Variants in GGNBP2 observed in about 807,000 individuals in gnomAD.
GGNBP2 encodes gametogenetin binding protein 2, also known as gametogenetin-binding protein 2.
Under a neutral mutation model 85.9 loss-of-function variants are expected in GGNBP2, and 10 were observed. That is an observed-to-expected ratio of 0.12 (90% CI 0.07 to 0.20). The LOEUF (loss-of-function observed/expected upper bound fraction) is 0.20. Ranked by LOEUF, GGNBP2 falls within the 10% of genes least tolerant of loss-of-function variation. The pLI is 1.00. For missense variants in GGNBP2, 595 were observed against 857.8 expected (o/e 0.69, Z 3.83); for synonymous variants, 287 against 285.7 (o/e 1.00, Z -0.05).
Position 36,589,677 on chromosome 17 carries a change from C to A in GGNBP2, c.*266C>A. ...TCTCTTCCTGTGAGACTTACTAAAG[C>A]AACTTAGTGGCAAAAAGTAATGTTG... On this transcript the variant is annotated 3_prime_UTR_variant, in exon 14 of 14. Transcript: ENST00000613102. 1 of 471,802 alleles carries A rather than the reference C, an allele frequency of 2.1e-6. No homozygotes were observed. Among genetic ancestry groups the A allele is most frequent in the African/African-American group, 1.9e-5 (1 of 51,428 alleles). 29.2% of individuals were successfully genotyped at this position (471,802 alleles called of 1,614,324 possible).
In GGNBP2 at chr17:36,575,648, A is replaced by ATTTTTTT. The variant is rs71274856; in HGVS notation, c.642-2326_642-2320dup. Among the ~76,000 whole-genome samples, 44 of 54,908 alleles carry ATTTTTTT rather than the reference A, an allele frequency of 8.0e-4. 1 individual carries two copies. The highest frequency in any genetic ancestry group is 3.9e-3 in the African/African-American group (36 of 9,188). The allele number at this position is 54,908 out of a possible 152,430, so 36.0% of individuals were successfully genotyped here. On this transcript the variant is annotated intron_variant, in intron 6 of 13. Transcript: ENST00000613102. ...TATATATATATATATATATATATAT[A>ATTTTTTT]TTTTTTTTTTTTTTTGAGATGGAGT...
chr17:36,560,775 C>T lies in GGNBP2; in HGVS notation c.431C>T (p.Ser144Phe). Residue 144 changes from serine to phenylalanine, a missense_variant and splice_region_variant, in exon 5 of 14, where the codon TCC (serine) becomes TTC (phenylalanine). This residue lies in a region of GGNBP2 where 216 missense variants were observed against 293.4 expected (regional missense o/e 0.74). Transcript: ENST00000613102. ...KLYTLFYVHGSKLNDMIDAIP... is the reference protein window; with the variant it reads ...KLYTLFYVHGFKLNDMIDAIP... Reference sequence around the variant, plus strand: ...TAATATGTTTTATTTTTAATTAGGTCCAAACTAAATGACATGATAGATGCT... The same window carrying T: ...TAATATGTTTTATTTTTAATTAGGTTCAAACTAAATGACATGATAGATGCT... 2 of 1,510,012 alleles carry T rather than the reference C, an allele frequency of 1.3e-6. No homozygotes were observed. Among genetic ancestry groups the T allele is most frequent in the East Asian group, 2.3e-5 (1 of 43,694 alleles). 93.5% of individuals were successfully genotyped at this position (1,510,012 alleles called of 1,614,324 possible).
At chr17:36,557,813 G>A (rs1343465101) in intron 4 of GGNBP2, among the ~76,000 whole-genome samples, 1 of 152,232 alleles carries the variant, frequency 6.6e-6, no homozygotes, top group East Asian at 1.9e-4. Flanking sequence ...AATAAAAGAT[G>A]GGGTCAGCAG....
chr17:36,552,457 T>C (rs1227643929), intron 2 of GGNBP2, among the ~76,000 whole-genome samples: 16 of 152,226 alleles, frequency 1.1e-4, no homozygotes, highest in Admixed American at 1.0e-3. Flanking sequence ...CACCAGATTA[T>C]TGATAGCTAC....
intron 2 of GGNBP2, among the ~76,000 whole-genome samples, chr17:36,548,733 C>G (rs886620189): frequency 2.7e-5 from 4 of 149,284 alleles, no homozygotes; most frequent in African/African-American, 9.8e-5. Flanking sequence ...TGCCTGAGCT[C>G]AGGAGTTTGA....
Position 36,545,634 on chromosome 17 carries a change from AGGCGGCAGCGGC to A in GGNBP2, c.-82_-71del. 1.0e-6 allele frequency: 1 copy of A among 972,564 alleles called. No individual in the cohort carries two copies. The highest frequency in any genetic ancestry group is 1.4e-5 in the South Asian group (1 of 70,438). 60.2% of individuals were successfully genotyped at this position (972,564 alleles called of 1,614,324 possible). A position where few individuals can be genotyped will look rare whatever the true frequency, so the allele number is the denominator to read the frequency against. On this transcript the variant is annotated 5_prime_UTR_variant, in exon 2 of 14. Transcript: ENST00000613102. ...GCTGTTGCAGGCAGGAGCTGGGAGG[AGGCGGCAGCGGC>A]GGCGGCAGAAACAGCAGCGGCGGCG...
intron 9 of GGNBP2, among the ~76,000 whole-genome samples, chr17:36,583,971 A>G (rs2074676020): frequency 6.6e-6 from 1 of 152,210 alleles, no homozygotes; most frequent in African/African-American, 2.4e-5. Flanking sequence ...TTGTAACATC[A>G]TGCATTGGAA....
chr17:36,560,287 T>G (rs940376794), intron 4 of GGNBP2, among the ~76,000 whole-genome samples: 3 of 152,226 alleles, frequency 2.0e-5, no homozygotes, highest in Non-Finnish European at 4.4e-5. Flanking sequence ...AAAGGTAGAA[T>G]TGGCAAACTT....
intron 6 of GGNBP2, among the ~76,000 whole-genome samples, chr17:36,576,469 G>A (rs1487528295): frequency 8.5e-6 from 1 of 118,088 alleles, no homozygotes; most frequent in Non-Finnish European, 1.7e-5. Context: ...CAGGAGAATC[G>A]CTTGAACCCA....
At chr17:36,568,630 T>C (rs900646337) in intron 6 of GGNBP2, among the ~76,000 whole-genome samples, 3 of 152,210 alleles carry the variant, frequency 2.0e-5, no homozygotes, top group Non-Finnish European at 4.4e-5. Flanking sequence ...AGTAGCTTTT[T>C]ACTTAATATT....
intron 3 of GGNBP2, 34 bp downstream of exon 3, chr17:36,554,934 G>T (rs2074347893): frequency 8.1e-7 from 1 of 1,239,348 alleles, no homozygotes; most frequent in East Asian, 2.3e-5. Context: ...TTTTAATGGT[G>T]TATGTGTATT....
chr17:36,570,440 C>T (rs1196319772), intron 6 of GGNBP2, among the ~76,000 whole-genome samples: 1 of 152,208 alleles, frequency 6.6e-6, no homozygotes, highest in Non-Finnish European at 1.5e-5. Flanking sequence ...TGGCTCATGC[C>T]TGTAATCCCA....
chr17:36,577,650 C>T (rs36088009), intron 6 of GGNBP2: 11,068 of 336,178 alleles, frequency 0.033, 299 homozygotes, highest in Non-Finnish European at 0.048. Flanking sequence ...TTCTGACCTG[C>T]GCAAATAGCT....
chr17:36,579,523 T>C (rs1266682528), intron 8 of GGNBP2, 104 bp downstream of exon 8: 2 of 953,932 alleles, frequency 2.1e-6, no homozygotes, highest in Non-Finnish European at 3.2e-6. Flanking sequence ...CCATCACTGA[T>C]AGAGCTTCAT....
chr17:36,565,451 C>CT (rs955771192), intron 5 of GGNBP2, among the ~76,000 whole-genome samples: 14 of 150,746 alleles, frequency 9.3e-5, no homozygotes, highest in South Asian at 2.1e-4. Context: ...TTTTATAGAG[C>CT]TTTTTTTTAA....
chr17:36,558,743 A>G (rs1599509898), intron 4 of GGNBP2, among the ~76,000 whole-genome samples: 2 of 146,728 alleles, frequency 1.4e-5, no homozygotes. Flanking sequence ...GGCGTGAGCC[A>G]CCGTGCCTGG....
intron 2 of GGNBP2, chr17:36,546,840 T>G (rs930471929): frequency 1.3e-5 from 2 of 152,222 alleles, no homozygotes; most frequent in Non-Finnish European, 2.9e-5. Context: ...CCTCAATATT[T>G]TTTTTTGCAA....
In GGNBP2 at chr17:36,575,648, A is replaced by ATATTTTT. The variant is rs374366757; in HGVS notation, c.642-2334_642-2333insATTTTTT. ...TATATATATATATATATATATATAT[A>ATATTTTT]TTTTTTTTTTTTTTTGAGATGGAGT... On this transcript the variant is annotated intron_variant, in intron 6 of 13. Coordinates refer to ENST00000613102, the MANE Select transcript of GGNBP2 (RefSeq NM_024835.5). 1.2e-3 allele frequency among the ~76,000 whole-genome samples: 65 copies of ATATTTTT among 54,910 alleles called. 1 individual carries two copies. Among genetic ancestry groups the ATATTTTT allele is most frequent in the African/African-American group, 3.8e-3 (35 of 9,192 alleles). The allele number at this position is 54,910 out of a possible 152,430, so 36.0% of individuals were successfully genotyped here. A position where few individuals can be genotyped will look rare whatever the true frequency, so the allele number is the denominator to read the frequency against.
intron 10 of GGNBP2, 162 bp from the exon 11 acceptor site, chr17:36,585,673 ATTATT>A (rs2142788720): frequency 1.6e-6 from 1 of 640,074 alleles, no homozygotes; most frequent in African/African-American, 1.9e-5. Flanking sequence ...TCATATTTTC[ATTATT>A]TAATTTACTT....
Sources: gnomAD v4.1 joint callset for allele counts (sites outside exome capture counted in the v4.1 genomes callset) on GRCh38, gnomAD v4.1.1 for gene constraint, gnomAD v4.1.1 regional missense constraint, MANE v1.5 for transcripts, NCBI Gene and HGNC (gene_info 2026-07-23, HGNC 2026-07-21) for gene names.